Variants in SDK1 observed in about 807,000 individuals in gnomAD.
The protein encoded by SDK1 is sidekick cell adhesion molecule 1.
A neutral mutation model predicts 245.5 loss-of-function variants in SDK1; 157 were observed. The observed-to-expected ratio is 0.64, with a 90% CI of 0.56 to 0.73. The LOEUF (loss-of-function observed/expected upper bound fraction) is 0.73. SDK1 is among the 30% of genes least tolerant of loss of function. SDK1 has a pLI of 0.00. For missense variants in SDK1, 3,583 were observed against 3,002.3 expected (o/e 1.19, Z -4.52); for synonymous variants, 1,647 against 1,278.5 (o/e 1.29, Z -6.15).
At position 3,577,767 on chromosome 7, in the gene SDK1, A is replaced by G. The variant is rs1780340378; in HGVS notation, c.299-41313A>G. Among the ~76,000 whole-genome samples, 3 of 152,160 alleles carry G rather than the reference A, an allele frequency of 2.0e-5. No homozygotes were observed. The South Asian group carries it at 6.2e-4, about 32-fold the overall frequency. On this transcript the variant is annotated intron_variant, in intron 1 of 44. Coordinates refer to ENST00000404826, the MANE Select transcript of SDK1 (RefSeq NM_152744.4). ...GTAACGAGTGCACTGGCTTGCATTC[A>G]GCTTTTGTATGGTCATATTGTCCCC...
intron 4 of SDK1, among the ~76,000 whole-genome samples, chr7:3,738,165 G>A (rs769121177): frequency 1.3e-5 from 2 of 152,164 alleles, no homozygotes; most frequent in African/African-American, 2.4e-5. Context: ...TTTATTGTAA[G>A]TGCTTTCAAT....
intron 1 of SDK1, among the ~76,000 whole-genome samples, chr7:3,559,376 T>C (rs962958019): frequency 6.6e-6 from 1 of 152,190 alleles, no homozygotes; most frequent in Non-Finnish European, 1.5e-5. Context: ...TGAAGACCTT[T>C]GTGGACTCTG....
intron 4 of SDK1, among the ~76,000 whole-genome samples, chr7:3,812,487 A>G (rs1206092987): frequency 6.6e-6 from 1 of 152,200 alleles, no homozygotes; most frequent in Non-Finnish European, 1.5e-5. Context: ...GTCAATATAG[A>G]AGAGTTGGAT....
chr7:3,956,081 GT>G (rs1781235242), intron 7 of SDK1, among the ~76,000 whole-genome samples: 1 of 152,188 alleles, frequency 6.6e-6, no homozygotes, highest in Non-Finnish European at 1.5e-5. Flanking sequence ...AGAAGTGTTT[GT>G]TTCCATCCCC....
At chr7:4,175,667 G>A (rs1005798725) in intron 33 of SDK1, 108 bp from the exon 34 acceptor site, 29 of 920,348 alleles carry the variant, frequency 3.2e-5, no homozygotes, top group Admixed American at 1.5e-4. Context: ...CGTGGGAAGT[G>A]GCTGGCATCC....
chr7:4,219,185 C>T (rs1051606627), intron 38 of SDK1, among the ~76,000 whole-genome samples: 17 of 152,332 alleles, frequency 1.1e-4, no homozygotes, highest in Non-Finnish European at 1.9e-4. Context: ...TCAGAGTCCA[C>T]AGATGAAGTT....
chr7:3,325,104 A>T (rs1051529090), intron 1 of SDK1, among the ~76,000 whole-genome samples: 2 of 151,182 alleles, frequency 1.3e-5, no homozygotes, highest in Admixed American at 1.3e-4. Context: ...AAAGTTCTCT[A>T]CCAAACCACT....
intron 1 of SDK1, among the ~76,000 whole-genome samples, chr7:3,499,665 C>T (rs540158791): frequency 6.6e-6 from 1 of 152,306 alleles, no homozygotes; most frequent in Non-Finnish European, 1.5e-5. Context: ...TGTGTAAGGG[C>T]ACGGCAGTGT....
At chr7:3,390,346 T>C (rs79626195) in intron 1 of SDK1, among the ~76,000 whole-genome samples, 3,473 of 152,282 alleles carry the variant, frequency 0.023, 148 homozygotes, top group African/African-American at 0.079. Flanking sequence ...TCATCAGCCT[T>C]TTAAATGTTT....
chr7:4,221,195 C>A (rs372796327), intron 39 of SDK1, 44 bp from the exon 40 acceptor site: 2 of 1,607,148 alleles, frequency 1.2e-6, no homozygotes, highest in Admixed American at 1.7e-5. Flanking sequence ...ATGTGAGCCC[C>A]GCAGGGCTGA....
chr7:3,913,818 A>AT (rs1779273848), intron 5 of SDK1, among the ~76,000 whole-genome samples: 1 of 152,048 alleles, frequency 6.6e-6, no homozygotes, highest in African/African-American at 2.4e-5. Context: ...TTTCTCTTTG[A>AT]TTTTCCTCCA....
intron 4 of SDK1, among the ~76,000 whole-genome samples, chr7:3,787,949 G>T (rs1780957394): frequency 6.6e-6 from 1 of 152,228 alleles, no homozygotes; most frequent in African/African-American, 2.4e-5. Context: ...AGTCTGAAGA[G>T]AAAGGAACTG....
intron 19 of SDK1, among the ~76,000 whole-genome samples, chr7:4,064,109 C>T (rs570130967): frequency 2.6e-5 from 4 of 152,214 alleles, no homozygotes; most frequent in Admixed American, 2.6e-4. Context: ...AACTTCTGTA[C>T]AGCAAAGGAA....
chr7:3,839,530 A>G (rs935695328), intron 5 of SDK1, among the ~76,000 whole-genome samples: 3 of 152,190 alleles, frequency 2.0e-5, no homozygotes, highest in African/African-American at 7.2e-5. Context: ...CTTCCTTCCC[A>G]TCTGTTTATT....
chr7:3,398,098 G>T (rs1348585837), intron 1 of SDK1, among the ~76,000 whole-genome samples: 1 of 151,834 alleles, frequency 6.6e-6, no homozygotes, highest in African/African-American at 2.4e-5. Context: ...ATAACTGTAG[G>T]TTTAACGTTT....
rs751116623 is a variant in SDK1 at position 4,150,552 on chromosome 7, T to G, written c.4625+1089T>G. ...GGCCAAGGTCAGAAAAGTCGGTCAT[T>G]TGCTCATATCCCCCACCCAGCCTCC... On this transcript the variant is annotated intron_variant, in intron 30 of 44. Coordinates refer to ENST00000404826, the MANE Select transcript of SDK1 (RefSeq NM_152744.4). 5.1e-4 allele frequency among the ~76,000 whole-genome samples: 78 copies of G among 152,288 alleles called. 1 individual carries two copies. The highest frequency in any genetic ancestry group is 1.0e-3 in the Non-Finnish European group (68 of 68,004).
At chr7:3,368,252 A>C (rs1171452387) in intron 1 of SDK1, among the ~76,000 whole-genome samples, 1 of 152,204 alleles carries the variant, frequency 6.6e-6, no homozygotes, top group Non-Finnish European at 1.5e-5. Flanking sequence ...AAACAGAAGA[A>C]AGTGTTCTCA....
intron 4 of SDK1, among the ~76,000 whole-genome samples, chr7:3,686,309 C>T (rs569604356): frequency 1.5e-4 from 23 of 152,290 alleles, no homozygotes; most frequent in African/African-American, 4.8e-4. Flanking sequence ...CTCCTGACCT[C>T]GGGTGATCCA....
intron 1 of SDK1, among the ~76,000 whole-genome samples, chr7:3,582,737 C>T (rs1780549005): frequency 7.2e-6 from 1 of 139,680 alleles, no homozygotes; most frequent in Admixed American, 7.1e-5. Flanking sequence ...TCTGAGACTT[C>T]AGGGACTTAA....
Sources: gnomAD v4.1 joint callset for allele counts (sites outside exome capture counted in the v4.1 genomes callset) on GRCh38, gnomAD v4.1.1 for gene constraint, MANE v1.5 for transcripts, NCBI Gene and HGNC (gene_info 2026-07-23, HGNC 2026-07-21) for gene names.